The following ANO2 variants were observed in gnomAD, a reference collection of about 807,000 sequenced individuals.
ANO2 encodes the protein anoctamin 2.
ANO2 carries 101 observed loss-of-function variants against 124.2 expected under a neutral mutation model. That is an observed-to-expected ratio of 0.81 (90% CI 0.69 to 0.96). The LOEUF is 0.96. ANO2 is among the 40% of genes least tolerant of loss of function. The pLI is 0.00. For synonymous variants in ANO2, 486 were observed against 482.5 expected (o/e 1.01, Z -0.09); for missense variants, 1,293 against 1,274.5 (o/e 1.01, Z -0.22).
chr12:5,709,744 G>A lies in ANO2; in HGVS notation c.1545+22776C>T, dbSNP rs142273286. Among the ~76,000 whole-genome samples the A allele has an allele frequency of 7.2e-5, 11 of 152,334 alleles. No individual in the cohort carries two copies. In the East Asian group the frequency reaches 1.2e-3, roughly 16 times the overall value. ...CAAGCGACACTTTTAGGACAAATGA[G>A]TGTGTCCATTAGCCTCACTCCTGCT... On this transcript the variant is annotated intron_variant, in intron 14 of 24. Coordinates refer to ENST00000682330, the MANE Select transcript of ANO2 (RefSeq NM_001364791.2).
chr12:5,836,073 C>G (rs981681166), intron 4 of ANO2, among the ~76,000 whole-genome samples: 1 of 23,198 alleles, frequency 4.3e-5, no homozygotes, highest in African/African-American at 7.1e-5. Flanking sequence ...AGATTTGGAC[C>G]AACCAGGACT....
intron 3 of ANO2, among the ~76,000 whole-genome samples, chr12:5,907,846 T>C (rs895692146): frequency 3.3e-5 from 5 of 152,174 alleles, no homozygotes; most frequent in Non-Finnish European, 5.9e-5. Flanking sequence ...ATACCCTAAG[T>C]TCTTCTTGCT....
chr12:5,676,846 G>A (rs1948268502), intron 14 of ANO2, among the ~76,000 whole-genome samples: 1 of 152,086 alleles, frequency 6.6e-6, no homozygotes, highest in African/African-American at 2.4e-5. Flanking sequence ...TTGAGGTCGG[G>A]ATTTCAAGAC....
chr12:5,638,083 C>T (rs1313342806), intron 15 of ANO2, among the ~76,000 whole-genome samples: 2 of 152,054 alleles, frequency 1.3e-5, no homozygotes, highest in African/African-American at 4.8e-5. Flanking sequence ...GAAACTGAAG[C>T]CCAAGAGGCA....
intron 3 of ANO2, among the ~76,000 whole-genome samples, chr12:5,914,266 G>A (rs1367750302): frequency 3.3e-5 from 5 of 151,960 alleles, no homozygotes; most frequent in African/African-American, 1.2e-4. Flanking sequence ...TCTGCTAAAT[G>A]GGCCTCCCTG....
At chr12:5,880,921 G>GGATGGATGGATGGATA (rs60664629) in intron 3 of ANO2, among the ~76,000 whole-genome samples, 26 of 151,008 alleles carry the variant, frequency 1.7e-4, no homozygotes, top group African/African-American at 6.1e-4. Context: ...ATGGATGGAT[G>GGATGGATGGATGGATA]AGTGGATTGA....
At chr12:5,699,952 G>C (rs1279477544) in intron 14 of ANO2, among the ~76,000 whole-genome samples, 1 of 152,128 alleles carries the variant, frequency 6.6e-6, no homozygotes, top group Non-Finnish European at 1.5e-5. Context: ...AGTCCTTAAA[G>C]ACCTACAAAA....
At chr12:5,920,886 A>G (rs1244613323) in intron 3 of ANO2, among the ~76,000 whole-genome samples, 154 bp downstream of exon 3, 2 of 152,120 alleles carry the variant, frequency 1.3e-5, no homozygotes, top group South Asian at 2.1e-4. Flanking sequence ...TTTTTTTAAA[A>G]AAAGAAAGAA....
chr12:5,741,270 G>A (rs1951085070), intron 12 of ANO2: 1 of 150,172 alleles, frequency 6.7e-6, no homozygotes, highest in South Asian at 2.1e-4. Flanking sequence ...AAACACCTAT[G>A]CACTGGTTGA....
At chr12:5,671,501 C>CG (rs1434536133) in intron 14 of ANO2, among the ~76,000 whole-genome samples, 5 of 6,640 alleles carry the variant, frequency 7.5e-4, no homozygotes, top group Non-Finnish European at 1.5e-3. Context: ...TGGGGGGTGG[C>CG]GGGGGGGAGT....
chr12:5,795,228 C>A (rs1952811798), intron 10 of ANO2, among the ~76,000 whole-genome samples: 1 of 152,200 alleles, frequency 6.6e-6, no homozygotes, highest in East Asian at 1.9e-4. Context: ...CAGTGCCACC[C>A]AAGGGCTCTT....
At chr12:5,762,336 T>A (rs1320480474) in intron 10 of ANO2, among the ~76,000 whole-genome samples, 1 of 152,004 alleles carries the variant, frequency 6.6e-6, no homozygotes, top group East Asian at 1.9e-4. Flanking sequence ...GAAAAATTGT[T>A]CTAAGAGGAA....
chr12:5,803,466 T>A (rs796749906), intron 9 of ANO2, among the ~76,000 whole-genome samples: 5 of 152,026 alleles, frequency 3.3e-5, no homozygotes, highest in African/African-American at 1.2e-4. Flanking sequence ...GGACTAAGGG[T>A]TTCCAGAATG....
At chr12:5,939,170 T>C (rs1591817585) in intron 1 of ANO2, among the ~76,000 whole-genome samples, 1 of 124,274 alleles carries the variant, frequency 8.0e-6, no homozygotes, top group Non-Finnish European at 1.6e-5. Flanking sequence ...TGAGCTGAGA[T>C]GGCACCACTG....
intron 16 of ANO2, among the ~76,000 whole-genome samples, chr12:5,629,447 C>A (rs1237416460): frequency 6.6e-6 from 1 of 152,186 alleles, no homozygotes; most frequent in Admixed American, 6.5e-5. Flanking sequence ...AGGCACAATA[C>A]CCCACTGGGT....
intron 3 of ANO2, among the ~76,000 whole-genome samples, chr12:5,860,251 G>A (rs183569909): frequency 7.9e-5 from 12 of 152,194 alleles, no homozygotes; most frequent in Admixed American, 2.0e-4. Flanking sequence ...TTCCTGAGCC[G>A]TGGATTATGC....
chr12:5,909,697 C>T (rs1940925260), intron 3 of ANO2, among the ~76,000 whole-genome samples: 1 of 152,190 alleles, frequency 6.6e-6, no homozygotes, highest in African/African-American at 2.4e-5. Context: ...TCCCGTGCCC[C>T]ACAAGTGCAC....
At chr12:5,567,633 T>C (rs962773) in intron 23 of ANO2, among the ~76,000 whole-genome samples, 1 of 152,210 alleles carries the variant, frequency 6.6e-6, no homozygotes, top group Admixed American at 6.5e-5. Context: ...CTGACCTCAG[T>C]ATGCGAGCCA....
chr12:5,844,839 G>GCGTTTGTT (rs1555172475), intron 4 of ANO2, among the ~76,000 whole-genome samples: 7 of 150,866 alleles, frequency 4.6e-5, no homozygotes, highest in Non-Finnish European at 1.0e-4. Context: ...CAGTTTTTGT[G>GCGTTTGTT]TGTTTGTTTG....
Sources: allele counts gnomAD v4.1 joint callset (sites outside exome capture counted in the v4.1 genomes callset), GRCh38; gene constraint gnomAD v4.1.1; transcripts MANE v1.5; gene names NCBI Gene and HGNC (gene_info 2026-07-23, HGNC 2026-07-21).